TXNDC16: variants seen among roughly 807,000 people sequenced by gnomAD.
The protein encoded by TXNDC16 is thioredoxin domain containing 16.
In TXNDC16, 74 loss-of-function variants were observed where a neutral mutation model predicts 85.6. The ratio of observed to expected loss-of-function variants is 0.86; its 90% CI spans 0.72 to 1.05. TXNDC16 has a LOEUF of 1.05. Ranked by LOEUF, TXNDC16 falls within the 50% of genes least tolerant of loss-of-function variation. The pLI is 0.00. For synonymous variants in TXNDC16, 335 were observed against 326.5 expected, an observed-to-expected ratio of 1.03 and a Z score of -0.28; for missense variants, 959 against 947.0, an observed-to-expected ratio of 1.01 and a Z score of -0.17.
chr14:52,501,469 C>A (rs990969206), intron 9 of TXNDC16, among the ~76,000 whole-genome samples: 11 of 152,160 alleles, frequency 7.2e-5, no homozygotes, highest in African/African-American at 2.7e-4. Flanking sequence ...CCCAGAAACC[C>A]AGGCTAATTT....
rs376121226 is a variant in TXNDC16, at chr14:52,431,642, A to T, written c.*662T>A. The stretch of plus-strand genomic sequence containing the variant: ...ATTCTTTGTTGTGGGGCGCTGTCCA[A>T]TGCAGGTTATTTAGCAGGATCCCTG... On this transcript the variant is annotated 3_prime_UTR_variant, in exon 21 of 21. Coordinates refer to ENST00000281741, the MANE Select transcript of TXNDC16 (RefSeq NM_020784.3). The T allele has an allele frequency of 2.0e-5, 3 of 152,222 alleles. No individual in the cohort carries two copies. Among genetic ancestry groups the T allele is most frequent in the Non-Finnish European group, 2.9e-5 (2 of 68,048 alleles). 9.4% of individuals were successfully genotyped at this position (152,222 alleles called of 1,614,324 possible).
intron 9 of TXNDC16, among the ~76,000 whole-genome samples, chr14:52,504,933 A>C (rs767084769): frequency 9.9e-5 from 15 of 152,222 alleles, no homozygotes; most frequent in Non-Finnish European, 1.8e-4. Flanking sequence ...AGACTCTGAT[A>C]AAACAGACTT....
At chr14:52,515,379 A>T (rs1321679057) in intron 7 of TXNDC16, among the ~76,000 whole-genome samples, 1 of 151,922 alleles carries the variant, frequency 6.6e-6, no homozygotes, top group Non-Finnish European at 1.5e-5. Context: ...TAATTTTACA[A>T]GGCATATAAT....
Position 52,439,245 on chromosome 14 carries a change from A to G in TXNDC16, c.2153T>C (p.Leu718Ser), listed in dbSNP as rs778372157. ...TCCTGCTTCTAATTTCTTCAGCCACAATACAAGGTTTTCTTCAATTATAGC... is the reference window on the plus strand; with the variant it reads ...TCCTGCTTCTAATTTCTTCAGCCACGATACAAGGTTTTCTTCAATTATAGC... ...DQAIIEENLV[L>S]WLKKLEAGLE... Residue 718 changes from leucine to serine, a missense_variant, in exon 20 of 21, where the codon TTG (leucine) becomes TCG (serine). Leu to Ser is a moderately radical substitution (Grantham distance 145, BLOSUM62 -2). Coordinates refer to ENST00000281741, the MANE Select transcript of TXNDC16 (RefSeq NM_020784.3). 4 of 1,613,938 alleles carry G rather than the reference A, an allele frequency of 2.5e-6. No homozygotes were observed. The Admixed American group carries it at 6.7e-5, about 27-fold the overall frequency.
chr14:52,491,330 C>G (rs2036400130), intron 9 of TXNDC16, among the ~76,000 whole-genome samples: 1 of 149,212 alleles, frequency 6.7e-6, no homozygotes, highest in Non-Finnish European at 1.5e-5. Flanking sequence ...CACAGGTGCA[C>G]ACCACCATGC....
chr14:52,461,754 G>T (rs993747506), intron 16 of TXNDC16, among the ~76,000 whole-genome samples: 2 of 152,340 alleles, frequency 1.3e-5, no homozygotes, highest in East Asian at 3.9e-4. Flanking sequence ...GGTGGCCTAA[G>T]CATTGACGAC....
At chr14:52,529,692 TTA>T (rs1566580990) in intron 6 of TXNDC16, among the ~76,000 whole-genome samples, 2 of 113,178 alleles carry the variant, frequency 1.8e-5, no homozygotes, top group African/African-American at 7.4e-5. Flanking sequence ...ATAATGCCTA[TTA>T]TATATAATAT....
rs371619326 is a variant in TXNDC16, at chr14:52,482,989, A to C, written c.1109-24T>G. ...ATCTAAAATGTTGGAAAAGAAATTAATTTAAATATTGATGTATAATGAAAA... is the reference window on the plus strand; with the variant it reads ...ATCTAAAATGTTGGAAAAGAAATTACTTTAAATATTGATGTATAATGAAAA... On this transcript the variant is annotated intron_variant, in intron 12 of 20. Transcript: ENST00000281741. 138 of 1,575,034 alleles carry C rather than the reference A, an allele frequency of 8.8e-5. 1 individual carries two copies. The highest frequency in any genetic ancestry group is 1.1e-4 in the Non-Finnish European group (127 of 1,161,854).
intron 6 of TXNDC16, 46 bp downstream of exon 6, chr14:52,536,672 CA>C (rs1471984362): frequency 7.0e-7 from 1 of 1,435,814 alleles, no homozygotes. Flanking sequence ...ATGAAATCAA[CA>C]GATAAGTAAC....
chr14:52,550,312 G>A (rs977350783), intron 1 of TXNDC16, among the ~76,000 whole-genome samples: 6 of 152,224 alleles, frequency 3.9e-5, no homozygotes, highest in African/African-American at 1.4e-4. Context: ...CTTACTTACA[G>A]TTTAATGCTG....
chr14:52,536,637 T>C (rs996313301), intron 6 of TXNDC16, 82 bp downstream of exon 6: 2 of 1,178,786 alleles, frequency 1.7e-6, no homozygotes, highest in Non-Finnish European at 2.4e-6. Flanking sequence ...CCCTGAAATA[T>C]TTTAATGAAT....
intron 9 of TXNDC16, among the ~76,000 whole-genome samples, chr14:52,509,129 T>G (rs996519313): frequency 6.6e-6 from 1 of 151,956 alleles, no homozygotes; most frequent in Non-Finnish European, 1.5e-5. Context: ...TTCCTCCTTA[T>G]TATCTATCAA....
intron 6 of TXNDC16, among the ~76,000 whole-genome samples, chr14:52,529,601 T>A (rs1454217532): frequency 1.0e-3 from 102 of 97,466 alleles, no homozygotes; most frequent in African/African-American, 1.3e-3. Flanking sequence ...ATTATATATA[T>A]TATATATAAT....
intron 6 of TXNDC16, among the ~76,000 whole-genome samples, chr14:52,530,286 A>T (rs1279217874): frequency 2.0e-5 from 1 of 49,508 alleles, no homozygotes; most frequent in Non-Finnish European, 3.3e-5. Context: ...TTAATATATA[A>T]TTATTATATA....
intron 18 of TXNDC16, among the ~76,000 whole-genome samples, chr14:52,448,971 T>A (rs1398764435): frequency 1.3e-5 from 2 of 151,776 alleles, no homozygotes; most frequent in East Asian, 1.9e-4. Flanking sequence ...CACAAAAAAA[T>A]TTTAAAAAAA....
At chr14:52,439,927 A>G (rs1249392153) in intron 19 of TXNDC16, among the ~76,000 whole-genome samples, 1 of 152,130 alleles carries the variant, frequency 6.6e-6, no homozygotes, top group East Asian at 1.9e-4. Context: ...CACATTCTAC[A>G]GTTTATAAAA....
intron 16 of TXNDC16, among the ~76,000 whole-genome samples, chr14:52,468,249 T>C (rs1162542422): frequency 6.6e-6 from 1 of 152,200 alleles, no homozygotes; most frequent in African/African-American, 2.4e-5. Flanking sequence ...TTTTACGTTA[T>C]GTGTATGTTA....
intron 12 of TXNDC16, among the ~76,000 whole-genome samples, chr14:52,487,124 T>C (rs2036289183): frequency 1.3e-5 from 2 of 152,160 alleles, no homozygotes; most frequent in Admixed American, 6.6e-5. Context: ...ACAAGTCCTC[T>C]AACTCTGAAG....
At chr14:52,449,936 A>T (rs1285689942) in intron 18 of TXNDC16, among the ~76,000 whole-genome samples, 3 of 152,014 alleles carry the variant, frequency 2.0e-5, no homozygotes, top group African/African-American at 7.2e-5. Context: ...GATACACTGA[A>T]AGCAGTACTA....
Sources: gnomAD v4.1 joint callset for allele counts (sites outside exome capture counted in the v4.1 genomes callset) on GRCh38, gnomAD v4.1.1 for gene constraint, MANE v1.5 for transcripts, NCBI Gene and HGNC (gene_info 2026-07-23, HGNC 2026-07-21) for gene names.